COL9A1: variants seen among roughly 807,000 people sequenced by gnomAD.
COL9A1 encodes the protein collagen type IX alpha 1 chain.
In COL9A1, 104 loss-of-function variants were observed where a neutral mutation model predicts 142.6. That is an observed-to-expected ratio of 0.73 (90% CI 0.62 to 0.86). COL9A1 has a LOEUF of 0.86. Among genes scored for constraint, COL9A1 ranks in the 40% least tolerant of loss-of-function variants. The pLI is 0.00. For synonymous variants in COL9A1, 466 were observed against 396.0 expected (o/e 1.18, Z -2.10); for missense variants, 1,210 against 1,176.6 (o/e 1.03, Z -0.42).
intron 33 of COL9A1, among the ~76,000 whole-genome samples, chr6:70,236,803 G>T (rs1769936862): frequency 6.6e-6 from 1 of 151,986 alleles, no homozygotes; most frequent in African/African-American, 2.4e-5. Context: ...GGTGCCTAGG[G>T]TGCAAAACTG....
At chr6:70,286,389 A>G (rs989208800) in intron 5 of COL9A1, among the ~76,000 whole-genome samples, 2 of 152,224 alleles carry the variant, frequency 1.3e-5, no homozygotes, top group African/African-American at 4.8e-5. Flanking sequence ...AGAACTAAAC[A>G]AAAACTAACT....
intron 4 of COL9A1, 90 bp from the exon 5 acceptor site, chr6:70,294,653 C>T (rs1287253640): frequency 1.6e-6 from 2 of 1,234,132 alleles, no homozygotes; most frequent in African/African-American, 3.0e-5. Context: ...ATTTTAGATG[C>T]CAGACCTATA....
intron 33 of COL9A1, among the ~76,000 whole-genome samples, chr6:70,235,227 G>C (rs1769830292): frequency 6.6e-6 from 1 of 152,138 alleles, no homozygotes; most frequent in Admixed American, 6.5e-5. Context: ...GGCCCATGTG[G>C]GTGGATCATG....
In COL9A1 at chr6:70,239,362, AT is replaced by A. The variant is rs572244113; in HGVS notation, c.2080-77del. ...ATTTCCTGAAAACACTTTAAAAGTT[AT>A]TGTGCTACTAAAATACGGAAAACCA... On this transcript the variant is annotated intron_variant, in intron 32 of 37. Coordinates refer to ENST00000357250, the MANE Select transcript of COL9A1 (RefSeq NM_001851.6). The A allele has an allele frequency of 4.7e-4, 475 of 1,014,678 alleles. No individual in the cohort carries two copies. In the African/African-American group the frequency reaches 6.3e-3, roughly 13 times the overall value. The allele number at this position is 1,014,678 out of a possible 1,614,324, so 62.9% of individuals were successfully genotyped here. A position where few individuals can be genotyped will look rare whatever the true frequency, so the allele number is the denominator to read the frequency against.
intron 18 of COL9A1, among the ~76,000 whole-genome samples, chr6:70,264,830 TATTA>T (rs1180313076): frequency 6.6e-6 from 1 of 152,152 alleles, no homozygotes; most frequent in Non-Finnish European, 1.5e-5. Flanking sequence ...GAAATTTTAC[TATTA>T]ATTCCTATAT....
chr6:70,226,014 A>G lies in COL9A1; in HGVS notation c.2504-5T>C, dbSNP rs568295931. ...CCCCCTTTTCTCCCAAGTCACCTGC[A>G]TTACATTAAAGAAATGTTATTTTTC... On this transcript the variant is annotated splice_polypyrimidine_tract_variant and splice_region_variant and intron_variant, in intron 36 of 37. Coordinates refer to ENST00000357250, the MANE Select transcript of COL9A1 (RefSeq NM_001851.6). 6.2e-5 allele frequency: 100 copies of G among 1,609,754 alleles called. 1 individual carries two copies. The South Asian group carries it at 1.1e-3, about 18-fold the overall frequency.
At chr6:70,285,052 C>T (rs1400718748) in intron 5 of COL9A1, among the ~76,000 whole-genome samples, 1 of 152,190 alleles carries the variant, frequency 6.6e-6, no homozygotes, top group Non-Finnish European at 1.5e-5. Flanking sequence ...TTTTGGCTAA[C>T]CAGAAAACCT....
At chr6:70,255,254 A>T in intron 22 of COL9A1, 51 bp from the exon 23 acceptor site, 3 of 1,610,992 alleles carry the variant, frequency 1.9e-6, no homozygotes, top group Non-Finnish European at 2.5e-6. Context: ...TTAACATAAT[A>T]CTTAGACTTG....
At chr6:70,218,696 T>A (rs1181283711) in intron 37 of COL9A1, among the ~76,000 whole-genome samples, 2 of 152,232 alleles carry the variant, frequency 1.3e-5, no homozygotes, top group Admixed American at 6.5e-5. Context: ...TGTCTTTTTA[T>A]ATGTCTTTTG....
intron 31 of COL9A1, among the ~76,000 whole-genome samples, chr6:70,241,175 C>A (rs377024467): frequency 6.6e-6 from 1 of 152,182 alleles, no homozygotes; most frequent in Non-Finnish European, 1.5e-5. Flanking sequence ...GACAGAGCCA[C>A]GCTCTTCAAA....
At chr6:70,266,026 A>C (rs1176899505) in intron 18 of COL9A1, among the ~76,000 whole-genome samples, 1 of 152,178 alleles carries the variant, frequency 6.6e-6, no homozygotes, top group Non-Finnish European at 1.5e-5. Flanking sequence ...CAAATTTACC[A>C]AGAGAAAACC....
At chr6:70,283,657 G>T in intron 6 of COL9A1, 80 bp downstream of exon 6, 2 of 1,022,760 alleles carry the variant, frequency 2.0e-6, no homozygotes, top group Non-Finnish European at 3.0e-6. Context: ...GTGCTGGGGA[G>T]GTGGCAAGAT....
intron 1 of COL9A1, among the ~76,000 whole-genome samples, 199 bp downstream of exon 1, chr6:70,302,712 T>A (rs1774118940): frequency 6.6e-6 from 1 of 152,114 alleles, no homozygotes. Flanking sequence ...CCTTCCTCTG[T>A]CTGTCTTCGG....
At position 70,282,878 on chromosome 6, in the gene COL9A1, A is replaced by G. The variant is rs760139240; in HGVS notation, c.801+20T>C. ...TCGTGTGCGCTTGAAAAATGCAAAC[A>G]CTCCCTGCCCCCAACTTACCTCGTC... On this transcript the variant is annotated intron_variant, in intron 7 of 37. Transcript: ENST00000357250. 4 of 1,612,388 alleles carry G rather than the reference A, an allele frequency of 2.5e-6. No individual in the cohort carries two copies. The highest frequency in any genetic ancestry group is 2.7e-5 in the African/African-American group (2 of 74,306).
intron 37 of COL9A1, 116 bp from the exon 38 acceptor site, chr6:70,217,197 G>A (rs1051214877): frequency 2.4e-6 from 2 of 832,646 alleles, no homozygotes; most frequent in Admixed American, 2.0e-5. Flanking sequence ...TTTTGGAAGC[G>A]ATGGATGATG....
At chr6:70,255,437 A>C (rs1232502068) in intron 21 of COL9A1, 47 bp from the exon 22 acceptor site, 1 of 1,530,816 alleles carries the variant, frequency 6.5e-7, no homozygotes, top group East Asian at 2.2e-5. Context: ...GTTACTTATT[A>C]ATCAACTTTT....
At position 70,252,302 on chromosome 6, in the gene COL9A1, G is replaced by A. The variant is rs757130148; in HGVS notation, c.1778C>T (p.Ala593Val). Residue 593 changes from alanine to valine, a missense_variant, in exon 27 of 38, where the codon GCT becomes GTT. Ala to Val is a moderately conservative substitution (Grantham distance 64). Transcript: ENST00000357250. Reference protein sequence around the residue: ...GVAGEKGSTGAPGKPGQMGNS... With the variant: ...GVAGEKGSTGVPGKPGQMGNS... The stretch of plus-strand genomic sequence containing the variant: ...TCCCATCTGACCAGGCTTCCCTGGA[G>A]CACCTGTGCTACCCTAAGGGTAAAA... 1 of 1,613,998 alleles carries A rather than the reference G, an allele frequency of 6.2e-7. No homozygotes were observed. Among genetic ancestry groups the A allele is most frequent in the Non-Finnish European group, 8.5e-7 (1 of 1,179,964 alleles).
At chr6:70,266,936 GC>G (rs1223844309) in intron 17 of COL9A1, among the ~76,000 whole-genome samples, 166 bp from the exon 18 acceptor site, 1 of 152,132 alleles carries the variant, frequency 6.6e-6, no homozygotes, top group African/African-American at 2.4e-5. Flanking sequence ...CACCATGACT[GC>G]CATATATAAT....
At chr6:70,275,554 C>T (rs1189031623) in intron 10 of COL9A1, among the ~76,000 whole-genome samples, 1 of 151,998 alleles carries the variant, frequency 6.6e-6, no homozygotes, top group Non-Finnish European at 1.5e-5. Context: ...CTCATTTTCC[C>T]TACTACTACT....
Sources: gnomAD v4.1 joint callset for allele counts (sites outside exome capture counted in the v4.1 genomes callset) on GRCh38, gnomAD v4.1.1 for gene constraint, MANE v1.5 for transcripts, NCBI Gene and HGNC (gene_info 2026-07-23, HGNC 2026-07-21) for gene names.